The following SLC25A13 variants were observed in gnomAD, a reference collection of about 807,000 sequenced individuals.
The protein encoded by SLC25A13 is solute carrier family 25 member 13, also known as electrogenic aspartate/glutamate antiporter SLC25A13, mitochondrial.
SLC25A13 carries 70 observed loss-of-function variants against 85.5 expected under a neutral mutation model. That is an observed-to-expected ratio of 0.82 (90% CI 0.68 to 1.00). The LOEUF is 1.00. Among genes scored for constraint, SLC25A13 ranks in the 50% least tolerant of loss-of-function variants. SLC25A13 has a pLI of 0.00. For missense variants in SLC25A13, 765 were observed against 819.8 expected (o/e 0.93, Z 0.82); for synonymous variants, 259 against 288.7 (o/e 0.90, Z 1.04).
Position 96,120,945 on chromosome 7 carries a change from C to T in SLC25A13, c.*246G>A, listed in dbSNP as rs1286785593. 1 of 614,036 alleles carries T rather than the reference C, an allele frequency of 1.6e-6. No homozygotes were observed. 38.0% of individuals were successfully genotyped at this position (614,036 alleles called of 1,614,324 possible). ...AAATCATGTTAGTGTTGACCAAATC[C>T]CATCAATTTTCAGATGCAAACAAAG... On this transcript the variant is annotated 3_prime_UTR_variant, in exon 18 of 18. Transcript: ENST00000265631.
At chr7:96,217,184 C>T (rs147065374) in intron 4 of SLC25A13, among the ~76,000 whole-genome samples, 3 of 152,312 alleles carry the variant, frequency 2.0e-5, no homozygotes, top group African/African-American at 7.2e-5. Flanking sequence ...GAGATAACCA[C>T]TTCACCCTGC....
chr7:96,290,346 G>C (rs1290580510), intron 2 of SLC25A13, among the ~76,000 whole-genome samples: 1 of 152,184 alleles, frequency 6.6e-6, no homozygotes, highest in Non-Finnish European at 1.5e-5. Flanking sequence ...GACCATCGAT[G>C]CTAGGGAGAA....
At chr7:96,277,454 T>C in intron 2 of SLC25A13, 116 bp from the exon 3 acceptor site, 6 of 946,548 alleles carry the variant, frequency 6.3e-6, no homozygotes, top group Non-Finnish European at 9.5e-6. Flanking sequence ...TCAGATATGA[T>C]CATGTACGCT....
Position 96,153,017 on chromosome 7 carries a change from G to A in SLC25A13, c.1312-6321C>T, listed in dbSNP as rs538561516. ...ACAATTCATTTAGGGTAATTAAGGA[G>A]AAAATATCTAGGGGGAAGAGAGTGA... On this transcript the variant is annotated intron_variant, in intron 13 of 17. Transcript: ENST00000265631. Among the ~76,000 whole-genome samples, 7 of 152,302 alleles carry A rather than the reference G, an allele frequency of 4.6e-5. No homozygotes were observed. The South Asian group carries it at 6.2e-4, about 14-fold the overall frequency.
chr7:96,126,699 T>A (rs1332381627), intron 15 of SLC25A13, among the ~76,000 whole-genome samples: 1 of 152,214 alleles, frequency 6.6e-6, no homozygotes, highest in Non-Finnish European at 1.5e-5. Flanking sequence ...AGAGTCAATA[T>A]GGCTATTTCC....
intron 1 of SLC25A13, among the ~76,000 whole-genome samples, chr7:96,317,459 C>T (rs975146054): frequency 6.6e-5 from 10 of 151,796 alleles, no homozygotes; most frequent in Non-Finnish European, 1.5e-4. Context: ...ATCTAGTAAG[C>T]GCTCAGTAAG....
chr7:96,179,942 T>C (rs755065284), intron 11 of SLC25A13, among the ~76,000 whole-genome samples: 8 of 152,198 alleles, frequency 5.3e-5, no homozygotes, highest in Non-Finnish European at 1.2e-4. Flanking sequence ...ATACTCCCTT[T>C]TATAGTACCA....
At chr7:96,292,638 GACAA>G (rs1185683427) in intron 2 of SLC25A13, among the ~76,000 whole-genome samples, 1 of 152,216 alleles carries the variant, frequency 6.6e-6, no homozygotes, top group African/African-American at 2.4e-5. Flanking sequence ...ACCAATAACA[GACAA>G]ACAGAGAGCC....
intron 11 of SLC25A13, among the ~76,000 whole-genome samples, chr7:96,182,124 T>G (rs987915385): frequency 2.6e-5 from 4 of 152,228 alleles, no homozygotes; most frequent in African/African-American, 9.6e-5. Context: ...TATTAATTAT[T>G]GATGATGTAC....
intron 15 of SLC25A13, among the ~76,000 whole-genome samples, chr7:96,125,641 A>AG: frequency 6.6e-6 from 1 of 152,168 alleles, no homozygotes; most frequent in Middle Eastern, 3.4e-3. Flanking sequence ...ACTTTTCCCT[A>AG]GGGAACTCCT....
At chr7:96,220,049 T>C (rs900560686) in intron 4 of SLC25A13, among the ~76,000 whole-genome samples, 1 of 152,212 alleles carries the variant, frequency 6.6e-6, no homozygotes, top group Non-Finnish European at 1.5e-5. Flanking sequence ...TAGAGGCATA[T>C]AGCAGACTGT....
At chr7:96,246,949 C>T (rs879028042) in intron 3 of SLC25A13, among the ~76,000 whole-genome samples, 4 of 152,150 alleles carry the variant, frequency 2.6e-5, no homozygotes, top group Admixed American at 2.0e-4. Flanking sequence ...TGTATTTTTG[C>T]TTCTTAAATA....
At chr7:96,128,938 TGCTC>T (rs1054163952) in intron 15 of SLC25A13, among the ~76,000 whole-genome samples, 2 of 31,312 alleles carry the variant, frequency 6.4e-5, no homozygotes, top group Admixed American at 5.2e-4. Context: ...CTGCCTTGCT[TGCTC>T]TCTCTCTCTC....
intron 3 of SLC25A13, among the ~76,000 whole-genome samples, 155 bp downstream of exon 3, chr7:96,277,041 T>C (rs1798478756): frequency 6.6e-6 from 1 of 152,188 alleles, no homozygotes; most frequent in East Asian, 1.9e-4. Flanking sequence ...AGGAACTACA[T>C]TATTACTCAA....
At chr7:96,290,240 A>C (rs373840277) in intron 2 of SLC25A13, among the ~76,000 whole-genome samples, 1 of 152,166 alleles carries the variant, frequency 6.6e-6, no homozygotes, top group Non-Finnish European at 1.5e-5. Context: ...GATTTTGTCA[A>C]CACCAGGCCT....
At chr7:96,203,067 C>T (rs1795321579) in intron 5 of SLC25A13, among the ~76,000 whole-genome samples, 4 of 152,194 alleles carry the variant, frequency 2.6e-5, no homozygotes, top group Admixed American at 2.6e-4. Context: ...TGGTCACGTT[C>T]CTCTCCATTA....
intron 14 of SLC25A13, among the ~76,000 whole-genome samples, chr7:96,136,645 C>T (rs550841931): frequency 6.6e-6 from 1 of 152,234 alleles, no homozygotes; most frequent in East Asian, 1.9e-4. Context: ...AAGTCAGGGC[C>T]AGGGCAGGTC....
chr7:96,241,361 C>A (rs1232484095), intron 3 of SLC25A13, among the ~76,000 whole-genome samples: 1 of 152,104 alleles, frequency 6.6e-6, no homozygotes, highest in Non-Finnish European at 1.5e-5. Context: ...GGATATTTAC[C>A]CAGCACTGCT....
At chr7:96,228,771 G>A (rs73403079) in intron 4 of SLC25A13, among the ~76,000 whole-genome samples, 3,724 of 152,298 alleles carry the variant, frequency 0.024, 122 homozygotes, top group African/African-American at 0.071. Flanking sequence ...AGTTCTGGGT[G>A]GGCGTGGGCT....
Sources: allele counts gnomAD v4.1 joint callset (sites outside exome capture counted in the v4.1 genomes callset), GRCh38; gene constraint gnomAD v4.1.1; transcripts MANE v1.5; gene names NCBI Gene and HGNC (gene_info 2026-07-23, HGNC 2026-07-21).